RIMBP2: variants seen among roughly 807,000 people sequenced by gnomAD.
RIMBP2 encodes RIMS-binding protein 2.
A neutral mutation model predicts 118.6 loss-of-function variants in RIMBP2; 48 were observed. That is an observed-to-expected ratio of 0.40 (90% CI 0.32 to 0.51). The LOEUF (loss-of-function observed/expected upper bound fraction) is 0.51, where lower values mean the gene tolerates loss of function less well. Ranked by LOEUF, RIMBP2 falls within the 20% of genes least tolerant of loss-of-function variation. RIMBP2 has a pLI of 0.41. For missense variants in RIMBP2, 1,551 were observed against 1,768.3 expected, an observed-to-expected ratio of 0.88 and a Z score of 2.20; for synonymous variants, 762 against 742.9, an observed-to-expected ratio of 1.03 and a Z score of -0.42.
intron 2 of RIMBP2, among the ~76,000 whole-genome samples, chr12:130,618,686 A>G (rs1048047974): frequency 3.3e-5 from 5 of 152,238 alleles, no homozygotes; most frequent in Non-Finnish European, 7.3e-5. Context: ...TTCAGGCAAA[A>G]TGCCTTCCAT....
chr12:130,621,802 C>T lies in RIMBP2; in HGVS notation c.-217+6520G>A, dbSNP rs568860431. On this transcript the variant is annotated intron_variant, in intron 2 of 22. Coordinates refer to ENST00000690449, the MANE Select transcript of RIMBP2 (RefSeq NM_001393629.1). The surrounding 1 kb of genome is among the most constrained non-coding windows in gnomAD (Gnocchi z 6.6). Reference sequence around the variant, plus strand: ...AAAACTCTTGCCAAACACATTTGTACTCTACCCTTTTACTGCCCTTGAAGG... The same window carrying T: ...AAAACTCTTGCCAAACACATTTGTATTCTACCCTTTTACTGCCCTTGAAGG... Among the ~76,000 whole-genome samples the T allele has an allele frequency of 1.3e-5, 2 of 152,262 alleles. No homozygotes were observed. The highest frequency in any genetic ancestry group is 2.1e-4 in the South Asian group (1 of 4,816).
intron 14 of RIMBP2, chr12:130,432,332 A>T (rs551438925): frequency 1.3e-5 from 6 of 456,378 alleles, no homozygotes; most frequent in African/African-American, 2.0e-5. Context: ...CTGTATACAT[A>T]AAATAAGAGC....
chr12:130,402,183 C>T (rs1260414531), intron 21 of RIMBP2, among the ~76,000 whole-genome samples: 2 of 152,266 alleles, frequency 1.3e-5, no homozygotes, highest in Non-Finnish European at 2.9e-5. Context: ...GACTTGCTCG[C>T]GGTGTGAATA....
chr12:130,467,464 C>T (rs1024915545), intron 6 of RIMBP2, among the ~76,000 whole-genome samples: 4 of 152,366 alleles, frequency 2.6e-5, no homozygotes, highest in African/African-American at 9.6e-5. Flanking sequence ...ATGATTTCAT[C>T]TCCAACCCAG....
At chr12:130,418,067 G>C (rs2076205771) in intron 17 of RIMBP2, among the ~76,000 whole-genome samples, 1 of 152,186 alleles carries the variant, frequency 6.6e-6, no homozygotes, top group South Asian at 2.1e-4. Context: ...GAAGAGACAG[G>C]ACAGGTGGTG....
chr12:130,646,106 T>TCCCTCACCACCTCCCTCA lies in RIMBP2; in HGVS notation c.-351-17651_-351-17650insTGAGGGAGGTGGTGAGGG, dbSNP rs2062890671. On this transcript the variant is annotated intron_variant, in intron 1 of 22. Coordinates refer to ENST00000690449, the MANE Select transcript of RIMBP2 (RefSeq NM_001393629.1). ...CACCACTTCCCTCTCCACCTCCCTC[T>TCCCTCACCACCTCCCTCA]CCACCTCCCTCACCACCTGCCTCTC... is the stretch of plus-strand genomic sequence containing the variant. Among the ~76,000 whole-genome samples, 2 of 51,146 alleles carry TCCCTCACCACCTCCCTCA rather than the reference T, an allele frequency of 3.9e-5. 1 individual carries two copies. The highest frequency in any genetic ancestry group is 1.6e-4 in the African/African-American group (2 of 12,166). 33.6% of individuals were successfully genotyped at this position (51,146 alleles called of 152,430 possible).
intron 1 of RIMBP2, among the ~76,000 whole-genome samples, chr12:130,701,086 T>C (rs1032998548): frequency 6.6e-6 from 1 of 152,204 alleles, no homozygotes; most frequent in Non-Finnish European, 1.5e-5. Flanking sequence ...AAAACACAAA[T>C]ACAAGGTTTC....
At chr12:130,436,590 GCTTT>G (rs1431115323) in intron 13 of RIMBP2, among the ~76,000 whole-genome samples, 1 of 152,196 alleles carries the variant, frequency 6.6e-6, no homozygotes, top group Non-Finnish European at 1.5e-5. Context: ...TTCTGAGCCT[GCTTT>G]CTAAGCCAGG....
At chr12:130,495,856 C>T (rs7315262) in intron 4 of RIMBP2, among the ~76,000 whole-genome samples, 89,746 of 152,086 alleles carry the variant, frequency 0.59, 27,069 homozygotes, top group East Asian at 0.93. Context: ...CACCCCGGTT[C>T]TCAGAAATTA....
At chr12:130,702,546 A>AGG (rs1480579589) in intron 1 of RIMBP2, among the ~76,000 whole-genome samples, 2 of 141,496 alleles carry the variant, frequency 1.4e-5, no homozygotes, top group African/African-American at 2.7e-5. Flanking sequence ...AAAAACAAGA[A>AGG]AGAAGGAAGG....
chr12:130,432,030 G>A (rs754785265), intron 14 of RIMBP2: 32 of 260,748 alleles, frequency 1.2e-4, no homozygotes, highest in Non-Finnish European at 2.4e-4. Flanking sequence ...GGGGCCACCT[G>A]GGGCTGTGGC....
Position 130,484,096 on chromosome 12 carries a change from G to A in RIMBP2, c.-3-5080C>T, listed in dbSNP as rs188713093. On this transcript the variant is annotated intron_variant, in intron 4 of 22. Coordinates refer to ENST00000690449, the MANE Select transcript of RIMBP2 (RefSeq NM_001393629.1). ...AAACATCTCTCCAGAGTCTGCCGGC[G>A]ACTGTCACTTAGGTGTCCTTGGCCG... Among the ~76,000 whole-genome samples the A allele has an allele frequency of 5.3e-5, 8 of 152,308 alleles. No homozygotes were observed. The South Asian group carries it at 6.2e-4, about 12-fold the overall frequency.
Position 130,617,770 on chromosome 12 carries a change from T to C in RIMBP2, c.-217+10552A>G, listed in dbSNP as rs2061038572. ...CACAGAATGCACGCAAATTAGATTA[T>C]TCTGGTAGAACAGGAATCACTCCGT... On this transcript the variant is annotated intron_variant, in intron 2 of 22. Transcript: ENST00000690449. This position sits in a 1 kb window ranked among gnomAD's most constrained non-coding sequence, Gnocchi z 4.6. Among the ~76,000 whole-genome samples the C allele has an allele frequency of 6.6e-6, 1 of 152,166 alleles. No homozygotes were observed. Among genetic ancestry groups the C allele is most frequent in the South Asian group, 2.1e-4 (1 of 4,826 alleles).
At position 130,564,829 on chromosome 12, in the gene RIMBP2, A is replaced by T. The variant is rs544827073; in HGVS notation, c.-216-46912T>A. 8.5e-5 allele frequency among the ~76,000 whole-genome samples: 13 copies of T among 152,330 alleles called. No homozygotes were observed. The South Asian group carries it at 2.7e-3, about 32-fold the overall frequency. ...TGCAACCCTGAGCCTACAGTTAATA[A>T]GGTACTCTGCACTTAAATTGTGTTA... On this transcript the variant is annotated intron_variant, in intron 2 of 22. Transcript: ENST00000690449.
chr12:130,439,438 T>TGTGTGG (rs1282879432), intron 11 of RIMBP2, among the ~76,000 whole-genome samples: 3 of 144,618 alleles, frequency 2.1e-5, no homozygotes, highest in African/African-American at 8.2e-5. Context: ...TGTATGTGGG[T>TGTGTGG]GTGTGGGTGT....
At chr12:130,571,848 GC>G (rs1182450346) in intron 2 of RIMBP2, among the ~76,000 whole-genome samples, 3 of 152,032 alleles carry the variant, frequency 2.0e-5, no homozygotes, top group African/African-American at 7.3e-5. Context: ...CCTCCCTGTG[GC>G]CCCCTCACAC....
At chr12:130,664,415 A>ACACGCACGCACACGCACACGCACGCACG (rs1555320883) in intron 1 of RIMBP2, among the ~76,000 whole-genome samples, 11 of 130,590 alleles carry the variant, frequency 8.4e-5, no homozygotes, top group Admixed American at 7.8e-5. Context: ...ACGCACGCAC[A>ACACGCACGCACACGCACACGCACGCACG]CACACGCACA....
chr12:130,619,142 C>T (rs965487243), intron 2 of RIMBP2, among the ~76,000 whole-genome samples: 2 of 152,204 alleles, frequency 1.3e-5, no homozygotes, highest in Non-Finnish European at 2.9e-5. Flanking sequence ...CTTCTTCCTT[C>T]AGTCATCCAA....
rs541185867 is a variant in RIMBP2, at chr12:130,525,697, G to T, written c.-216-7780C>A. Among the ~76,000 whole-genome samples, 3 of 152,280 alleles carry T rather than the reference G, an allele frequency of 2.0e-5. No homozygotes were observed. The highest frequency in any genetic ancestry group is 6.5e-5 in the Admixed American group (1 of 15,298). ...GGGGCACTTGGGGATGAGATCGTAT[G>T]GGGGGAGATGACCCAAGGGGCTCAT... On this transcript the variant is annotated intron_variant, in intron 2 of 22. Coordinates refer to ENST00000690449, the MANE Select transcript of RIMBP2 (RefSeq NM_001393629.1). The surrounding 1 kb of genome is among the most constrained non-coding windows in gnomAD (Gnocchi z 4.4).
Sources: gnomAD v4.1 joint callset for allele counts (sites outside exome capture counted in the v4.1 genomes callset) on GRCh38, gnomAD v4.1.1 for gene constraint, Gnocchi (gnomAD v3.1) non-coding constraint, MANE v1.5 for transcripts, NCBI Gene and HGNC (gene_info 2026-07-23, HGNC 2026-07-21) for gene names.